The following PRKAA1 variants were observed in gnomAD, a reference collection of about 807,000 sequenced individuals.
PRKAA1 encodes the protein 5'-AMP-activated protein kinase catalytic subunit alpha-1.
A neutral mutation model predicts 56.9 loss-of-function variants in PRKAA1; 23 were observed. The ratio of observed to expected loss-of-function variants is 0.40; its 90% confidence interval spans 0.29 to 0.57. PRKAA1 has a LOEUF of 0.57. PRKAA1 is among the 20% of genes least tolerant of loss of function. The probability of loss-of-function intolerance (pLI) is 0.39; values close to 1 mark genes in which losing one functional copy is unlikely to be tolerated. For missense variants in PRKAA1, 413 were observed against 679.7 expected, an observed-to-expected ratio of 0.61 and a Z score of 4.36; for synonymous variants, 226 against 227.0, an observed-to-expected ratio of 1.00 and a Z score of 0.04.
intron 2 of PRKAA1, among the ~76,000 whole-genome samples, chr5:40,776,057 G>C (rs1743989222): frequency 6.6e-6 from 1 of 152,192 alleles, no homozygotes; most frequent in African/African-American, 2.4e-5. Flanking sequence ...GCAGTCATGT[G>C]ATCTGGCATA....
At chr5:40,774,549 A>ACTTTTTTTTTTTTTTTT (rs1554031839) in intron 3 of PRKAA1, among the ~76,000 whole-genome samples, 1 of 125,084 alleles carries the variant, frequency 8.0e-6, no homozygotes, top group African/African-American at 3.1e-5. Flanking sequence ...TCCAGGCAGA[A>ACTTTTTTTTTTTTTTTT]TTTTTTTTTT....
At chr5:40,786,484 G>A (rs943547761) in intron 1 of PRKAA1, among the ~76,000 whole-genome samples, 1 of 151,878 alleles carries the variant, frequency 6.6e-6, no homozygotes, top group African/African-American at 2.4e-5. Flanking sequence ...ATTTTCTAAA[G>A]AAGTACCAAA....
At chr5:40,775,641 C>T (rs1055019649) in intron 2 of PRKAA1, 138 bp from the exon 3 acceptor site, 2 of 624,584 alleles carry the variant, frequency 3.2e-6, no homozygotes, top group Non-Finnish European at 5.6e-6. Context: ...ATTCTCTGCT[C>T]TCATGGAGTT....
rs532456619 is a variant in PRKAA1, at chr5:40,771,691, C to G, written c.508+28G>C. On this transcript the variant is annotated intron_variant, in intron 4 of 8. Transcript: ENST00000397128. ...AAACTATAAGAACATTAGAAATGAA[C>G]GTTAAGAAACTATAAAATTATCCTT... is the stretch of plus-strand genomic sequence containing the variant. 9.5e-6 allele frequency: 15 copies of G among 1,580,756 alleles called. No homozygotes were observed. In the South Asian group the frequency reaches 1.6e-4, roughly 17 times the overall value.
intron 5 of PRKAA1, chr5:40,768,631 C>T: frequency 8.9e-7 from 1 of 1,128,454 alleles, no homozygotes; most frequent in Non-Finnish European, 1.1e-6. Context: ...GCAGTCTAGG[C>T]CAACAAGCTT....
chr5:40,770,595 C>CTTTTTTT (rs750590564), intron 4 of PRKAA1, among the ~76,000 whole-genome samples: 3 of 111,912 alleles, frequency 2.7e-5, no homozygotes, highest in South Asian at 3.0e-4. Flanking sequence ...AAAATAAATT[C>CTTTTTTT]TTTTTTTTTT....
intron 1 of PRKAA1, among the ~76,000 whole-genome samples, chr5:40,784,270 A>T (rs1463917949): frequency 2.0e-5 from 3 of 152,194 alleles, no homozygotes; most frequent in African/African-American, 7.2e-5. Context: ...TAGATGCAAT[A>T]GCATTCCTTT....
chr5:40,780,440 C>T (rs961677408), intron 1 of PRKAA1, among the ~76,000 whole-genome samples: 3 of 152,072 alleles, frequency 2.0e-5, no homozygotes, highest in Admixed American at 2.0e-4. Context: ...AGACAGCATT[C>T]TTGAGAGACA....
intron 1 of PRKAA1, among the ~76,000 whole-genome samples, chr5:40,787,232 G>A (rs538929001): frequency 5.9e-5 from 9 of 152,126 alleles, no homozygotes; most frequent in East Asian, 1.9e-4. Flanking sequence ...TTGGGAGGCC[G>A]AAGCGGGCAT....
At chr5:40,778,913 A>G (rs1439842017) in intron 1 of PRKAA1, among the ~76,000 whole-genome samples, 1 of 150,062 alleles carries the variant, frequency 6.7e-6, no homozygotes, top group Non-Finnish European at 1.5e-5. Flanking sequence ...CTCCCATCTC[A>G]GCCTCCCAAG....
chr5:40,766,340 T>G (rs1033640226), intron 6 of PRKAA1, among the ~76,000 whole-genome samples: 1 of 152,114 alleles, frequency 6.6e-6, no homozygotes, highest in Non-Finnish European at 1.5e-5. Flanking sequence ...TTCTTCCTTC[T>G]CAGATAAATG....
chr5:40,777,531 C>G lies in PRKAA1; in HGVS notation c.183G>C (p.Gln61His). 6.2e-7 allele frequency: 1 copy of G among 1,613,770 alleles called. No individual in the cohort carries two copies. Among genetic ancestry groups the G allele is most frequent in the Non-Finnish European group, 8.5e-7 (1 of 1,179,644 alleles). Reference protein sequence around the residue: ...HKVAVKILNRQKIRSLDVVGK... With the variant: ...HKVAVKILNRHKIRSLDVVGK... ...CTACCACATCAAGGCTCCGAATCTT[C>G]TGTCGATTGAGTATCTTCACAGCTA... The change falls in exon 2 of 9, where the codon CAG becomes CAC. Residue 61 changes from glutamine to histidine, a missense_variant. Around this residue, in one of 9 missense-constraint regions of PRKAA1, gnomAD observed 16 missense variants for 30.9 expected, o/e 0.52. Transcript: ENST00000397128.
chr5:40,786,033 T>C (rs1453910787), intron 1 of PRKAA1, among the ~76,000 whole-genome samples: 2 of 151,738 alleles, frequency 1.3e-5, no homozygotes, highest in East Asian at 1.9e-4. Flanking sequence ...GGCGGGGAGA[T>C]CACCTGAGGT....
rs755681776 is a variant in PRKAA1, at chr5:40,767,642, G to T, written c.645C>A (p.Leu215=). The change falls in exon 6 of 9, where the codon CTC becomes CTA. Residue 215 remains leucine (L), a synonymous_variant. Coordinates refer to ENST00000397128, the MANE Select transcript of PRKAA1 (RefSeq NM_006251.6). Reference sequence around the variant, plus strand: ...GAAGGGTTCCACATAATAAAGCATAGAGAATAACCCCACTGCTCCATATAT... The same window carrying T: ...GAAGGGTTCCACATAATAAAGCATATAGAATAACCCCACTGCTCCATATAT... ...EVDIWSSGVI[L]YALLCGTLPF... 10 of 1,613,416 alleles carry T rather than the reference G, an allele frequency of 6.2e-6. No homozygotes were observed. The highest frequency in any genetic ancestry group is 8.5e-6 in the Non-Finnish European group (10 of 1,179,568).
chr5:40,775,623 A>C, intron 2 of PRKAA1, 120 bp from the exon 3 acceptor site: 1 of 726,796 alleles, frequency 1.4e-6, no homozygotes, highest in African/African-American at 1.8e-5. Flanking sequence ...AAACTGCAGG[A>C]AACAAAAATT....
At chr5:40,783,321 T>TA (rs1000541474) in intron 1 of PRKAA1, among the ~76,000 whole-genome samples, 34 of 150,808 alleles carry the variant, frequency 2.3e-4, no homozygotes, top group Admixed American at 1.2e-3. Flanking sequence ...CTTACAAACA[T>TA]AAAAAAAAAT....
rs368455500 is a variant in PRKAA1, at chr5:40,762,848, G to A, written c.1610C>T (p.Pro537Leu). ...SLDSSPVDLT[P>L]RPGSHTIEFF... ...TTCTATTGTGTGACTTCCAGGTCTT[G>A]GAGTTAGGTCAACAGGAGAAGAGTC... The change falls in exon 9 of 9, where the codon CCA (proline) becomes CTA (leucine). Residue 537 changes from proline (P) to leucine (L), a missense_variant. Transcript: ENST00000397128. 4 of 1,614,000 alleles carry A rather than the reference G, an allele frequency of 2.5e-6. No individual in the cohort carries two copies. The highest frequency in any genetic ancestry group is 2.5e-6 in the Non-Finnish European group (3 of 1,180,008).
chr5:40,790,410 G>GTTA (rs1444398564), intron 1 of PRKAA1, among the ~76,000 whole-genome samples: 4 of 152,088 alleles, frequency 2.6e-5, no homozygotes, highest in African/African-American at 9.7e-5. Flanking sequence ...AGCAGTGGGA[G>GTTA]TTATTTAGCA....
intron 1 of PRKAA1, among the ~76,000 whole-genome samples, chr5:40,794,725 C>G (rs1161975578): frequency 8.0e-6 from 1 of 125,762 alleles, no homozygotes; most frequent in African/African-American, 2.7e-5. Flanking sequence ...ATTATCCCAG[C>G]ACAATTTGTT....
Sources: allele counts gnomAD v4.1 joint callset (sites outside exome capture counted in the v4.1 genomes callset), GRCh38; gene constraint gnomAD v4.1.1; regional missense constraint gnomAD v4.1.1; transcripts MANE v1.5; gene names NCBI Gene and HGNC (gene_info 2026-07-23, HGNC 2026-07-21).